Variants in HIP1 observed in about 807,000 individuals in gnomAD.
HIP1 encodes the protein huntingtin interacting protein 1, also known as huntingtin-interacting protein 1.
Under a neutral mutation model 147.6 loss-of-function variants are expected in HIP1, and 65 were observed. That is an observed-to-expected ratio of 0.44 (90% CI 0.36 to 0.54). HIP1 has a LOEUF of 0.54. Among genes scored for constraint, HIP1 ranks in the 20% least tolerant of loss-of-function variants. The pLI, the probability that HIP1 is intolerant of heterozygous loss-of-function variation, is 0.00. For missense variants in HIP1, 1,061 were observed against 1,299.6 expected, an observed-to-expected ratio of 0.82 and a Z score of 2.82; for synonymous variants, 479 against 504.0, an observed-to-expected ratio of 0.95 and a Z score of 0.67.
chr7:75,650,663 G>C (rs937428979), intron 1 of HIP1, among the ~76,000 whole-genome samples: 3 of 152,048 alleles, frequency 2.0e-5, no homozygotes, highest in Admixed American at 2.0e-4. Flanking sequence ...ATGTTGGCCA[G>C]ACTGGTTTCA....
In HIP1 at chr7:75,651,695, C is replaced by T. The variant is rs1300585465; in HGVS notation, c.121-52448G>A. Among the ~76,000 whole-genome samples, 4 of 152,038 alleles carry T rather than the reference C, an allele frequency of 2.6e-5. No individual in the cohort carries two copies. The South Asian group carries it at 8.3e-4, about 32-fold the overall frequency. On this transcript the variant is annotated intron_variant, in intron 1 of 30. Coordinates refer to ENST00000336926, the MANE Select transcript of HIP1 (RefSeq NM_005338.7). The stretch of plus-strand genomic sequence containing the variant: ...CACTTATTCTACGTGTGGCCTTGGG[C>T]AAGTCACTCAACTTCTCTGTGCCTC...
chr7:75,724,207 C>T (rs781981390), intron 1 of HIP1, among the ~76,000 whole-genome samples: 7 of 149,444 alleles, frequency 4.7e-5, no homozygotes, highest in Non-Finnish European at 9.0e-5. Flanking sequence ...TCCGCCTTGG[C>T]CTCCCAAAGT....
chr7:75,708,147 A>G (rs1281036598), intron 1 of HIP1, among the ~76,000 whole-genome samples: 2 of 152,148 alleles, frequency 1.3e-5, no homozygotes, highest in East Asian at 1.9e-4. Flanking sequence ...AGAAACTACC[A>G]TATATCTTCT....
At chr7:75,560,050 G>A (rs1409581968) in intron 13 of HIP1, 135 bp from the exon 14 acceptor site, 1 of 858,288 alleles carries the variant, frequency 1.2e-6, no homozygotes, top group Admixed American at 3.0e-5. Flanking sequence ...TCCCAGGAGG[G>A]TTGGACCATC....
In HIP1 at chr7:75,602,220, C is replaced by T. The variant is rs141873563; in HGVS notation, c.121-2973G>A. 5.8e-3 allele frequency among the ~76,000 whole-genome samples: 863 copies of T among 149,866 alleles called. 6 individuals are homozygous for T. The highest frequency in any genetic ancestry group is 0.02 in the African/African-American group (818 of 40,780). On this transcript the variant is annotated intron_variant, in intron 1 of 30. Coordinates refer to ENST00000336926, the MANE Select transcript of HIP1 (RefSeq NM_005338.7). ...TTCGCTATGTTGACCATCCTGGTCT[C>T]GAACTCCTGACCTCAAGTGATCCAC...
chr7:75,641,602 C>A (rs1554510516), intron 1 of HIP1, among the ~76,000 whole-genome samples: 1 of 152,084 alleles, frequency 6.6e-6, no homozygotes, highest in Non-Finnish European at 1.5e-5. Flanking sequence ...AGAAATTCGC[C>A]TGCCTCAGCC....
intron 1 of HIP1, among the ~76,000 whole-genome samples, chr7:75,604,721 A>G (rs1554503583): frequency 2.0e-5 from 3 of 152,008 alleles, no homozygotes; most frequent in South Asian, 2.1e-4. Flanking sequence ...GGGAAGAAAA[A>G]TGGTAGAAAC....
chr7:75,638,587 T>C (rs1020101304), intron 1 of HIP1, among the ~76,000 whole-genome samples: 3 of 152,186 alleles, frequency 2.0e-5, no homozygotes, highest in African/African-American at 4.8e-5. Context: ...CCTCCTAGGA[T>C]GGTTGAAACC....
At position 75,619,421 on chromosome 7, in the gene HIP1, G is replaced by A. The variant is rs587675405; in HGVS notation, c.121-20174C>T. ...GCCTGCTGTAATCCCAGCTACTCGG[G>A]AGTCTGAGGCAGGAGGATTGCTTAA... On this transcript the variant is annotated intron_variant, in intron 1 of 30. Coordinates refer to ENST00000336926, the MANE Select transcript of HIP1 (RefSeq NM_005338.7). Among the ~76,000 whole-genome samples, 3 of 151,184 alleles carry A rather than the reference G, an allele frequency of 2.0e-5. No individual in the cohort carries two copies. The East Asian group carries it at 5.8e-4, about 29-fold the overall frequency.
At chr7:75,692,452 G>C in intron 1 of HIP1, among the ~76,000 whole-genome samples, 1 of 150,102 alleles carries the variant, frequency 6.7e-6, no homozygotes, top group East Asian at 2.0e-4. Flanking sequence ...ACAGATTCTT[G>C]TTCTATCACC....
At chr7:75,562,245 T>C in intron 11 of HIP1, 75 bp from the exon 12 acceptor site, 2 of 926,798 alleles carry the variant, frequency 2.2e-6, no homozygotes, top group Non-Finnish European at 3.6e-6. Context: ...TTGAGTGATA[T>C]GGGAGAATGC....
chr7:75,581,260 C>T lies in HIP1; in HGVS notation c.581G>A (p.Cys194Tyr), dbSNP rs782373380. 2.5e-6 allele frequency: 4 copies of T among 1,611,812 alleles called. No individual in the cohort carries two copies. Among genetic ancestry groups the T allele is most frequent in the South Asian group, 1.1e-5 (1 of 90,514 alleles). Residue 194 changes from cysteine (C) to tyrosine (Y), a missense_variant, in exon 7 of 31, where the codon TGT becomes TAT. Physicochemically the swap from Cys to Tyr is radical, Grantham distance 194 (BLOSUM62 -2). Around this residue, in one of 3 missense-constraint regions of HIP1, gnomAD observed 225 missense variants for 292.9 expected, o/e 0.77. Coordinates refer to ENST00000336926, the MANE Select transcript of HIP1 (RefSeq NM_005338.7). ...ACCTGTTTGGAAGAGGTTGAGTTCA[C>T]ACTCCAGGTAGTCAAACATCTCCAC... Reference protein sequence around the residue: ...LTVEMFDYLECELNLFQTVFN... With the variant: ...LTVEMFDYLEYELNLFQTVFN...
chr7:75,613,243 G>T (rs1201207878), intron 1 of HIP1, among the ~76,000 whole-genome samples: 1 of 152,120 alleles, frequency 6.6e-6, no homozygotes. Context: ...GGAGAGTACA[G>T]AACCAAATGG....
intron 4 of HIP1, among the ~76,000 whole-genome samples, chr7:75,591,710 C>A (rs587686616): frequency 6.7e-6 from 1 of 148,594 alleles, no homozygotes; most frequent in Non-Finnish European, 1.5e-5. Flanking sequence ...CATAGCAAGA[C>A]CCCGTCTCTA....
intron 24 of HIP1, 103 bp downstream of exon 24, chr7:75,547,652 G>GGCTCTCCTCTACTGCTCTCCT: frequency 2.2e-6 from 2 of 907,112 alleles, no homozygotes; most frequent in South Asian, 2.6e-5. Context: ...CCCCGTGGCT[G>GGCTCTCCTCTACTGCTCTCCT]CTACTGCTCT....
At chr7:75,538,629 C>T (rs587719182) in intron 30 of HIP1, among the ~76,000 whole-genome samples, 8,669 of 142,998 alleles carry the variant, frequency 0.061, 293 homozygotes, top group Middle Eastern at 0.074. Flanking sequence ...GGCTGGAGTG[C>T]AGTGGCGCGA....
chr7:75,714,767 T>C (rs184681892), intron 1 of HIP1, among the ~76,000 whole-genome samples: 1 of 152,272 alleles, frequency 6.6e-6, no homozygotes, highest in Non-Finnish European at 1.5e-5. Flanking sequence ...TAACATCTTC[T>C]ATAACCATGG....
Position 75,651,256 on chromosome 7 carries a change from G to A in HIP1, c.121-52009C>T, listed in dbSNP as rs565771806. Among the ~76,000 whole-genome samples the A allele has an allele frequency of 5.7e-4, 86 of 151,734 alleles. 1 individual carries two copies. The South Asian group carries it at 0.016, about 28-fold the overall frequency. On this transcript the variant is annotated intron_variant, in intron 1 of 30. Coordinates refer to ENST00000336926, the MANE Select transcript of HIP1 (RefSeq NM_005338.7). ...AGGCCGATCACGAGGTCAGGAGTTC[G>A]AGACCAGCCTGGTCAATATGGTGAA...
At position 75,559,932 on chromosome 7, in the gene HIP1, G is replaced by A; in HGVS notation, c.1192-17C>T. On this transcript the variant is annotated splice_polypyrimidine_tract_variant and intron_variant, in intron 13 of 30. Coordinates refer to ENST00000336926, the MANE Select transcript of HIP1 (RefSeq NM_005338.7). ...CCGCTGGCTCTGTGGGGGGACTCCG[G>A]TCATGAGGCCAACCGCCCACTGCCA... 6.3e-7 allele frequency: 1 copy of A among 1,578,272 alleles called. No homozygotes were observed. Among genetic ancestry groups the A allele is most frequent in the Non-Finnish European group, 8.6e-7 (1 of 1,165,182 alleles).
Sources: gnomAD v4.1 joint callset for allele counts (sites outside exome capture counted in the v4.1 genomes callset) on GRCh38, gnomAD v4.1.1 for gene constraint, gnomAD v4.1.1 regional missense constraint, MANE v1.5 for transcripts, NCBI Gene and HGNC (gene_info 2026-07-23, HGNC 2026-07-21) for gene names.